ABCB5: variants seen among roughly 807,000 people sequenced by gnomAD.
The protein encoded by ABCB5 is ATP binding cassette subfamily B member 5, also known as ATP-binding cassette sub-family B member 5.
Under a neutral mutation model 144.2 loss-of-function variants are expected in ABCB5, and 155 were observed. The ratio of observed to expected loss-of-function variants is 1.08; its 90% CI spans 0.94 to 1.23. The LOEUF (loss-of-function observed/expected upper bound fraction) is 1.23, where lower values mean the gene tolerates loss of function less well. Among genes scored for constraint, ABCB5 ranks in the 50% most tolerant of loss-of-function variants. The probability of loss-of-function intolerance (pLI) is 0.00; values close to 1 mark genes in which losing one functional copy is unlikely to be tolerated. For synonymous variants in ABCB5, 610 were observed against 528.6 expected, an observed-to-expected ratio of 1.15 and a Z score of -2.11; for missense variants, 1,830 against 1,520.8, an observed-to-expected ratio of 1.20 and a Z score of -3.38.
chr7:20,727,017 A>T, intron 21 of ABCB5, 23 bp from the exon 22 acceptor site: 2 of 1,524,070 alleles, frequency 1.3e-6, no homozygotes, highest in Non-Finnish European at 1.8e-6. Flanking sequence ...TTATTTCTAT[A>T]TTGTATTGTC....
intron 20 of ABCB5, among the ~76,000 whole-genome samples, chr7:20,707,460 T>C (rs1415227942): frequency 2.0e-5 from 3 of 152,238 alleles, no homozygotes; most frequent in African/African-American, 7.2e-5. Context: ...TTCTGTGTAA[T>C]ATGTGCTTTA....
chr7:20,724,675 C>T (rs10259771), intron 21 of ABCB5, among the ~76,000 whole-genome samples: 109,855 of 147,368 alleles, frequency 0.75, 41,476 homozygotes, highest in East Asian at 0.91. Flanking sequence ...AATACTGTTT[C>T]AGAGCTCTTG....
intron 20 of ABCB5, among the ~76,000 whole-genome samples, chr7:20,717,132 AG>A (rs1228141448): frequency 6.6e-6 from 1 of 152,148 alleles, no homozygotes; most frequent in Non-Finnish European, 1.5e-5. Context: ...CAAGAACTTA[AG>A]GTCCACAGCA....
Position 20,696,229 on chromosome 7 carries a change from G to T in ABCB5, c.2011-2178G>T, listed in dbSNP as rs534292311. On this transcript the variant is annotated intron_variant, in intron 16 of 27. Coordinates refer to ENST00000404938, the MANE Select transcript of ABCB5 (RefSeq NM_001163941.2). Reference sequence around the variant, plus strand: ...TAGCTATACAGTGAAATGCTATGCAGCAATAAAAGGAAATGATATGCTGAT... The same window carrying T: ...TAGCTATACAGTGAAATGCTATGCATCAATAAAAGGAAATGATATGCTGAT... Among the ~76,000 whole-genome samples the T allele has an allele frequency of 7.2e-5, 11 of 152,176 alleles. No individual in the cohort carries two copies. The South Asian group carries it at 2.3e-3, about 32-fold the overall frequency.
rs71020653 is a variant in ABCB5, at chr7:20,655,047, TA to T, written c.1536+3437del. ...CCAAAAGCTGGTTCACTGAAAAGAT[TA>T]AAAAAAAAAAAAGTATAACTGTAGC... is the stretch of plus-strand genomic sequence containing the variant. On this transcript the variant is annotated intron_variant, in intron 13 of 27. Transcript: ENST00000404938. Among the ~76,000 whole-genome samples the T allele has an allele frequency of 6.8e-3, 884 of 129,114 alleles. 11 individuals carry two copies. The highest frequency in any genetic ancestry group is 0.066 in the East Asian group (304 of 4,640). The allele number at this position is 129,114 out of a possible 152,430, so 84.7% of individuals were successfully genotyped here. A position where few individuals can be genotyped will look rare whatever the true frequency, so the allele number is the denominator to read the frequency against.
chr7:20,711,564 T>G lies in ABCB5; in HGVS notation c.2421+6757T>G, dbSNP rs1265363733. 1.4e-5 allele frequency among the ~76,000 whole-genome samples: 2 copies of G among 147,736 alleles called. 1 individual carries two copies. Among genetic ancestry groups the G allele is most frequent in the East Asian group, 4.1e-4 (2 of 4,936 alleles). On this transcript the variant is annotated intron_variant, in intron 20 of 27. Coordinates refer to ENST00000404938, the MANE Select transcript of ABCB5 (RefSeq NM_001163941.2). The stretch of plus-strand genomic sequence containing the variant: ...GCAGCCTTGACCTACCAGGCTCAGG[T>G]GATCCTCCCACTTCAGCCTCCTGAG...
In ABCB5 at chr7:20,661,262, C is replaced by T. The variant is rs563037657; in HGVS notation, c.1707+2586C>T. On this transcript the variant is annotated intron_variant, in intron 14 of 27. Coordinates refer to ENST00000404938, the MANE Select transcript of ABCB5 (RefSeq NM_001163941.2). ...GAACTTCCCTTCCTACCATTCGCCCCAACAATGCCTGCTTCTTAAACATAC... is the reference window on the plus strand; with the variant it reads ...GAACTTCCCTTCCTACCATTCGCCCTAACAATGCCTGCTTCTTAAACATAC... Among the ~76,000 whole-genome samples, 7 of 152,326 alleles carry T rather than the reference C, an allele frequency of 4.6e-5. No homozygotes were observed. The East Asian group carries it at 1.4e-3, about 29-fold the overall frequency.
intron 23 of ABCB5, among the ~76,000 whole-genome samples, chr7:20,737,727 T>C (rs1782433199): frequency 6.6e-6 from 1 of 151,908 alleles, no homozygotes; most frequent in Non-Finnish European, 1.5e-5. Context: ...GACAGTCTGA[T>C]TTTTCCTTGC....
At chr7:20,619,152 G>T (rs1562524217) in intron 1 of ABCB5, among the ~76,000 whole-genome samples, 1 of 151,950 alleles carries the variant, frequency 6.6e-6, no homozygotes, top group Non-Finnish European at 1.5e-5. Context: ...TGTGAATAGT[G>T]CTGTCATAAA....
chr7:20,694,371 C>T (rs554605885), intron 16 of ABCB5, among the ~76,000 whole-genome samples: 1 of 151,736 alleles, frequency 6.6e-6, no homozygotes, highest in Non-Finnish European at 1.5e-5. Flanking sequence ...AAAGAAAAAA[C>T]CAATTATCTC....
intron 20 of ABCB5, among the ~76,000 whole-genome samples, chr7:20,706,477 T>G (rs1442556916): frequency 6.6e-6 from 1 of 152,226 alleles, no homozygotes; most frequent in African/African-American, 2.4e-5. Flanking sequence ...TAATTGTTAC[T>G]AATAAATAGT....
At position 20,717,807 on chromosome 7, in the gene ABCB5, T is replaced by G. The variant is rs1046807161; in HGVS notation, c.2422-5209T>G. ...CCTACCTTAAAAACTTCACTTTAAC[T>G]TAATTATCCCTGTATCTATAATTTA... On this transcript the variant is annotated intron_variant, in intron 20 of 27. Coordinates refer to ENST00000404938, the MANE Select transcript of ABCB5 (RefSeq NM_001163941.2). 2.0e-5 allele frequency among the ~76,000 whole-genome samples: 3 copies of G among 151,106 alleles called. No individual in the cohort carries two copies. In the East Asian group the frequency reaches 5.8e-4, roughly 29 times the overall value.
At chr7:20,657,049 G>A (rs990551786) in intron 13 of ABCB5, among the ~76,000 whole-genome samples, 1 of 151,316 alleles carries the variant, frequency 6.6e-6, no homozygotes, top group Non-Finnish European at 1.5e-5. Flanking sequence ...AGCCTCCTGA[G>A]TAGCTCATGC....
At chr7:20,641,185 T>C (rs965672250) in intron 5 of ABCB5, among the ~76,000 whole-genome samples, 2 of 152,186 alleles carry the variant, frequency 1.3e-5, no homozygotes, top group African/African-American at 4.8e-5. Context: ...AATCTTGTCT[T>C]TGTCCCAGTC....
intron 7 of ABCB5, among the ~76,000 whole-genome samples, chr7:20,645,488 T>C (rs1233217709): frequency 1.3e-5 from 2 of 152,182 alleles, no homozygotes; most frequent in African/African-American, 2.4e-5. Flanking sequence ...AATTACAAAA[T>C]TGTAAAAGGA....
At position 20,755,612 on chromosome 7, in the gene ABCB5, G is replaced by A; in HGVS notation, c.3762G>A (p.Gln1254=). ...RDIYFKLVNA[Q]SVQ ...TATATTTTAAGTTAGTGAATGCACA[G>A]TCAGTGCAGTGATGCTGTTGAGGTA... The change falls in exon 28 of 28, where the codon CAG becomes CAA. Residue 1254 remains glutamine (Q), a synonymous_variant. Transcript: ENST00000404938. The A allele has an allele frequency of 6.2e-7, 1 of 1,614,058 alleles. No homozygotes were observed.
intron 1 of ABCB5, among the ~76,000 whole-genome samples, chr7:20,621,021 T>TA (rs1324319447): frequency 6.6e-6 from 1 of 152,006 alleles, no homozygotes; most frequent in Non-Finnish European, 1.5e-5. Flanking sequence ...TGTGTCACTT[T>TA]AAAAAAATGT....
intron 15 of ABCB5, among the ~76,000 whole-genome samples, chr7:20,681,948 T>C (rs1785844761): frequency 6.6e-6 from 1 of 152,092 alleles, no homozygotes; most frequent in African/African-American, 2.4e-5. Context: ...GGCTCACACC[T>C]GCAATCCCAG....
chr7:20,623,636 G>T (rs1783846928), intron 2 of ABCB5, among the ~76,000 whole-genome samples: 1 of 151,988 alleles, frequency 6.6e-6, no homozygotes, highest in Admixed American at 6.6e-5. Context: ...CAGAAGAAAG[G>T]CACCTGCAAA....
Sources: allele counts gnomAD v4.1 joint callset (sites outside exome capture counted in the v4.1 genomes callset), GRCh38; gene constraint gnomAD v4.1.1; transcripts MANE v1.5; gene names NCBI Gene and HGNC (gene_info 2026-07-23, HGNC 2026-07-21).